CASK: variants seen among roughly 807,000 people sequenced by gnomAD.
CASK encodes calcium/calmodulin dependent serine protein kinase, also known as peripheral plasma membrane protein CASK.
Under a neutral mutation model 82.9 loss-of-function variants are expected in CASK, and 4 were observed. The observed-to-expected ratio is 0.05, with a 90% CI of 0.02 to 0.11. CASK has a LOEUF of 0.11. Ranked by LOEUF, CASK falls within the 10% of genes least tolerant of loss-of-function variation. The probability of loss-of-function intolerance (pLI) is 1.00; values close to 1 mark genes in which losing one functional copy is unlikely to be tolerated. For missense variants in CASK, 358 were observed against 720.9 expected (o/e 0.50, Z 5.76); for synonymous variants, 259 against 253.5 (o/e 1.02, Z -0.20).
At chrX:41,611,214 A>G (rs2147282318) in intron 11 of CASK, among the ~76,000 whole-genome samples, 1 of 111,770 alleles carries the variant, frequency 8.9e-6, no homozygotes, top group East Asian at 2.8e-4. Flanking sequence ...TATATTTTTG[A>G]TAAAGATAAA....
At chrX:41,577,172 G>A (rs1017852754) in intron 15 of CASK, among the ~76,000 whole-genome samples, 1 of 112,020 alleles carries the variant, frequency 8.9e-6, no homozygotes, top group Non-Finnish European at 1.9e-5. Flanking sequence ...CTGTCTCAAC[G>A]TCCATTCAGT....
intron 3 of CASK, among the ~76,000 whole-genome samples, chrX:41,763,536 A>C (rs1569438510): frequency 9.1e-6 from 1 of 110,454 alleles, no homozygotes; most frequent in East Asian, 2.8e-4. Flanking sequence ...GGTAGCGTGC[A>C]CCTGTAGTCC....
intron 1 of CASK, among the ~76,000 whole-genome samples, chrX:41,916,247 A>T (rs188500930): frequency 4.4e-5 from 5 of 112,897 alleles, no homozygotes; most frequent in African/African-American, 1.6e-4. Flanking sequence ...CTAATTAATA[A>T]AGAAAAGTAA....
At chrX:41,861,430 T>C (rs1209754105) in intron 1 of CASK, among the ~76,000 whole-genome samples, 4 of 110,364 alleles carry the variant, frequency 3.6e-5, no homozygotes, top group Admixed American at 9.8e-5. Context: ...TAGACATGCA[T>C]GGAAAGAAAC....
intron 12 of CASK, among the ~76,000 whole-genome samples, chrX:41,594,324 C>T (rs1050230229): frequency 8.0e-5 from 9 of 111,839 alleles, no homozygotes; most frequent in Admixed American, 4.8e-4. Context: ...CCTTCTTGTT[C>T]GGGAGGAAAG....
intron 21 of CASK, among the ~76,000 whole-genome samples, chrX:41,550,723 C>T (rs1318380000): frequency 1.9e-4 from 20 of 102,988 alleles, no homozygotes; most frequent in Non-Finnish European, 3.0e-4. Context: ...ATAGTGAGAC[C>T]TCATCTCTAC....
At chrX:41,637,809 A>G (rs965452508) in intron 8 of CASK, among the ~76,000 whole-genome samples, 8 of 108,322 alleles carry the variant, frequency 7.4e-5, no homozygotes, top group African/African-American at 2.4e-4. Flanking sequence ...ATGCCTGGCT[A>G]AGTTTTGTAT....
Position 41,519,890 on chromosome X carries a change from AAG to A in CASK, c.*528_*529del, listed in dbSNP as rs991434236. The stretch of plus-strand genomic sequence containing the variant: ...AAAAATACTATTCTAAAAAAAAAAA[AAG>A]AGAGAAAAAAGGCCTTTAAAAATTT... On this transcript the variant is annotated 3_prime_UTR_variant, in exon 27 of 27. Transcript: ENST00000378163. 3.6e-5 allele frequency: 4 copies of A among 110,526 alleles called. No homozygotes were observed. The highest frequency in any genetic ancestry group is 1.3e-4 in the African/African-American group (4 of 30,483). 9.1% of individuals were successfully genotyped at this position (110,526 alleles called of 1,213,427 possible). A position where few individuals can be genotyped will look rare whatever the true frequency, so the allele number is the denominator to read the frequency against.
At chrX:41,706,103 G>A (rs1046617671) in intron 5 of CASK, among the ~76,000 whole-genome samples, 1 of 111,974 alleles carries the variant, frequency 8.9e-6, no homozygotes, top group African/African-American at 3.3e-5. Context: ...GAAAAACACT[G>A]TTTCCTCTAC....
intron 26 of CASK, among the ~76,000 whole-genome samples, chrX:41,521,612 G>A (rs1419075638): frequency 8.9e-6 from 1 of 111,812 alleles, no homozygotes; most frequent in African/African-American, 3.2e-5. Context: ...CCAGAAAGAA[G>A]TCTGCCTCTA....
intron 2 of CASK, among the ~76,000 whole-genome samples, chrX:41,815,947 G>A (rs1006338026): frequency 9.1e-6 from 1 of 110,424 alleles, no homozygotes; most frequent in Non-Finnish European, 1.9e-5. Flanking sequence ...TGCAACCTCC[G>A]CCTCCCACAC....
chrX:41,571,576 T>A (rs964020719), intron 15 of CASK, among the ~76,000 whole-genome samples: 1 of 111,792 alleles, frequency 8.9e-6, no homozygotes, highest in African/African-American at 3.2e-5. Flanking sequence ...TCCTGATCAG[T>A]CTGATCTTTC....
intron 2 of CASK, among the ~76,000 whole-genome samples, chrX:41,828,339 C>T (rs932400045): frequency 1.6e-4 from 18 of 111,279 alleles, no homozygotes; most frequent in African/African-American, 4.9e-4. Flanking sequence ...TATTTTCAAA[C>T]GACATGAGGG....
At chrX:41,816,846 T>G (rs189227218) in intron 2 of CASK, among the ~76,000 whole-genome samples, 41 of 111,640 alleles carry the variant, frequency 3.7e-4, no homozygotes, top group African/African-American at 1.3e-3. Flanking sequence ...AAAAATAGAA[T>G]TTTTAGTTAA....
At position 41,912,112 on chromosome X, in the gene CASK, C is replaced by G. The variant is rs184282467; in HGVS notation, c.59+10818G>C. Reference sequence around the variant, plus strand: ...TGTTCTCATGGATGAAGCTGGAAACCATCATTCTCAGCAAACTAACACAGG... The same window carrying G: ...TGTTCTCATGGATGAAGCTGGAAACGATCATTCTCAGCAAACTAACACAGG... On this transcript the variant is annotated intron_variant, in intron 1 of 26. Coordinates refer to ENST00000378163, the MANE Select transcript of CASK (RefSeq NM_001367721.1). 2.8e-4 allele frequency among the ~76,000 whole-genome samples: 30 copies of G among 106,634 alleles called. No individual in the cohort carries two copies. The East Asian group carries it at 8.8e-3, about 31-fold the overall frequency. The allele number at this position is 106,634 out of a possible 115,157, so 92.6% of individuals were successfully genotyped here. A position where few individuals can be genotyped will look rare whatever the true frequency, so the allele number is the denominator to read the frequency against.
At chrX:41,803,409 G>A (rs2070045811) in intron 2 of CASK, among the ~76,000 whole-genome samples, 1 of 111,018 alleles carries the variant, frequency 9.0e-6, no homozygotes, top group African/African-American at 3.3e-5. Flanking sequence ...CCAACATAGT[G>A]AAACGCCATC....
chrX:41,745,171 C>T (rs1033892724), intron 4 of CASK, among the ~76,000 whole-genome samples: 1 of 111,432 alleles, frequency 9.0e-6, no homozygotes, highest in Non-Finnish European at 1.9e-5. Context: ...GTGCATGCCA[C>T]CACGCCCAGC....
intron 1 of CASK, among the ~76,000 whole-genome samples, chrX:41,921,059 G>C (rs184942367): frequency 2.1e-4 from 24 of 111,748 alleles, no homozygotes; most frequent in African/African-American, 6.8e-4. Flanking sequence ...ATTCACATGT[G>C]GCTACTGGGC....
At chrX:41,647,412 T>G (rs2066777581) in intron 8 of CASK, among the ~76,000 whole-genome samples, 1 of 112,197 alleles carries the variant, frequency 8.9e-6, no homozygotes, top group South Asian at 3.7e-4. Flanking sequence ...GCTGAGGCGT[T>G]AGATCAGGTG....
Sources: allele counts gnomAD v4.1 joint callset (sites outside exome capture counted in the v4.1 genomes callset), GRCh38; gene constraint gnomAD v4.1.1; transcripts MANE v1.5; gene names NCBI Gene and HGNC (gene_info 2026-07-23, HGNC 2026-07-21).